TINAG: variants seen among roughly 807,000 people sequenced by gnomAD.
TINAG encodes tubulointerstitial nephritis antigen.
TINAG carries 83 observed loss-of-function variants against 72.7 expected under a neutral mutation model. The observed-to-expected ratio is 1.14, with a 90% confidence interval of 0.96 to 1.37. TINAG has a LOEUF of 1.37. TINAG is among the 40% of genes most tolerant of loss of function. The pLI, the probability that TINAG is intolerant of heterozygous loss-of-function variation, is 0.00. For synonymous variants in TINAG, 234 were observed against 189.9 expected (o/e 1.23, Z -1.91); for missense variants, 685 against 576.6 (o/e 1.19, Z -1.93).
chr6:54,325,589 T>A (rs978789187), intron 3 of TINAG, among the ~76,000 whole-genome samples: 2 of 152,168 alleles, frequency 1.3e-5, no homozygotes, highest in African/African-American at 4.8e-5. Flanking sequence ...TTCCTATTAT[T>A]TCTCCTATCT....
intron 4 of TINAG, among the ~76,000 whole-genome samples, chr6:54,328,446 C>G (rs192171092): frequency 2.6e-5 from 4 of 152,178 alleles, no homozygotes; most frequent in Non-Finnish European, 5.9e-5. Flanking sequence ...AGGACACCCA[C>G]GCAAAAACCC....
chr6:54,309,240 C>G (rs1784183597), intron 1 of TINAG, among the ~76,000 whole-genome samples: 1 of 152,074 alleles, frequency 6.6e-6, no homozygotes, highest in African/African-American at 2.4e-5. Context: ...TTATTGACAT[C>G]AGGTTTCTCA....
intron 9 of TINAG, among the ~76,000 whole-genome samples, chr6:54,376,977 G>T (rs753176930): frequency 2.0e-5 from 3 of 152,114 alleles, no homozygotes; most frequent in Non-Finnish European, 2.9e-5. Context: ...GATGGGCTAA[G>T]AGCTGCCCAG....
chr6:54,383,149 A>C (rs1763999346), intron 10 of TINAG, among the ~76,000 whole-genome samples: 1 of 152,156 alleles, frequency 6.6e-6, no homozygotes, highest in Non-Finnish European at 1.5e-5. Context: ...AACTAGATGA[A>C]TGGCTACATA....
intron 2 of TINAG, 114 bp from the exon 3 acceptor site, chr6:54,321,183 C>A: frequency 1.2e-6 from 1 of 814,800 alleles, no homozygotes; most frequent in Non-Finnish European, 2.0e-6. Flanking sequence ...AACCATATGG[C>A]TAACATTAAT....
intron 3 of TINAG, 110 bp from the exon 4 acceptor site, chr6:54,326,692 G>T: frequency 1.4e-6 from 1 of 691,604 alleles, no homozygotes; most frequent in Non-Finnish European, 2.3e-6. Context: ...CTCATATTGT[G>T]AGATTTGCTG....
intron 4 of TINAG, among the ~76,000 whole-genome samples, chr6:54,340,965 CAT>C (rs1173075854): frequency 2.6e-5 from 4 of 152,044 alleles, no homozygotes; most frequent in Non-Finnish European, 5.9e-5. Context: ...GCATATCTCC[CAT>C]ATGCAAAGTA....
intron 9 of TINAG, among the ~76,000 whole-genome samples, chr6:54,366,613 A>G (rs1763429529): frequency 1.3e-5 from 2 of 151,354 alleles, no homozygotes; most frequent in African/African-American, 4.8e-5. Context: ...GGAGAGAGAG[A>G]GAGAGAGAGA....
chr6:54,382,340 C>T (rs1763977060), intron 10 of TINAG, among the ~76,000 whole-genome samples: 1 of 151,998 alleles, frequency 6.6e-6, no homozygotes. Context: ...GACTTATTTA[C>T]CAATGTATCT....
At position 54,351,403 on chromosome 6, in the gene TINAG, C is replaced by G. The variant is rs909325069; in HGVS notation, c.1126+6C>G. 6.2e-7 allele frequency: 1 copy of G among 1,609,202 alleles called. No homozygotes were observed. Among genetic ancestry groups the G allele is most frequent in the African/African-American group, 1.3e-5 (1 of 74,766 alleles). ...GCAAAATGGACCAGTTCAAGGTAAG[C>G]TTGAATGAAATACGGTTTTTTCTTA... On this transcript the variant is annotated splice_donor_region_variant and intron_variant, in intron 8 of 10. Transcript: ENST00000259782.
chr6:54,334,925 C>T (rs1431563505), intron 4 of TINAG, among the ~76,000 whole-genome samples: 1 of 152,102 alleles, frequency 6.6e-6, no homozygotes, highest in Non-Finnish European at 1.5e-5. Context: ...AGTGACCTAA[C>T]TGTATGATCA....
chr6:54,363,194 A>G (rs936321731), intron 9 of TINAG, among the ~76,000 whole-genome samples: 1 of 151,636 alleles, frequency 6.6e-6, no homozygotes, highest in Non-Finnish European at 1.5e-5. Flanking sequence ...CTTGTAGACT[A>G]TATCACAGAT....
chr6:54,316,648 G>A (rs1453538337), intron 1 of TINAG, among the ~76,000 whole-genome samples: 1 of 152,006 alleles, frequency 6.6e-6, no homozygotes, highest in African/African-American at 2.4e-5. Context: ...ATAAATTATA[G>A]ACAACATGTC....
Position 54,321,002 on chromosome 6 carries a change from C to T in TINAG, c.420-295C>T, listed in dbSNP as rs143584686. On this transcript the variant is annotated intron_variant, in intron 2 of 10. Transcript: ENST00000259782. ...AGGCTGCTTTAAAAGGACTAGCCTG[C>T]AGAAAGTTTCCAAATACAAGTACAT... Among the ~76,000 whole-genome samples the T allele has an allele frequency of 4.0e-4, 61 of 152,242 alleles. No individual in the cohort carries two copies. The East Asian group carries it at 0.011, about 28-fold the overall frequency.
At chr6:54,339,510 G>A (rs763859902) in intron 4 of TINAG, among the ~76,000 whole-genome samples, 3 of 152,102 alleles carry the variant, frequency 2.0e-5, no homozygotes, top group African/African-American at 7.2e-5. Context: ...CATTCCACAG[G>A]GTACAACTTA....
chr6:54,373,389 G>A (rs909032558), intron 9 of TINAG, among the ~76,000 whole-genome samples: 5 of 151,920 alleles, frequency 3.3e-5, no homozygotes, highest in African/African-American at 9.7e-5. Context: ...ACAGATTATC[G>A]AAGGCCTATT....
intron 9 of TINAG, among the ~76,000 whole-genome samples, chr6:54,375,750 C>G (rs1236351830): frequency 1.3e-5 from 2 of 152,168 alleles, no homozygotes; most frequent in Non-Finnish European, 2.9e-5. Context: ...CTTTATGGGT[C>G]TTACATTCTT....
intron 1 of TINAG, among the ~76,000 whole-genome samples, chr6:54,309,413 C>A (rs765579753): frequency 6.6e-6 from 1 of 152,144 alleles, no homozygotes; most frequent in Non-Finnish European, 1.5e-5. Flanking sequence ...TAAAGTCAGT[C>A]ACCCGCTCTG....
At chr6:54,377,031 G>A (rs1338578403) in intron 9 of TINAG, among the ~76,000 whole-genome samples, 1 of 151,972 alleles carries the variant, frequency 6.6e-6, no homozygotes, top group East Asian at 1.9e-4. Context: ...ACTAAATTTT[G>A]AGAGAAAAAG....
Sources: gnomAD v4.1 joint callset for allele counts (sites outside exome capture counted in the v4.1 genomes callset) on GRCh38, gnomAD v4.1.1 for gene constraint, MANE v1.5 for transcripts, NCBI Gene and HGNC (gene_info 2026-07-23, HGNC 2026-07-21) for gene names.